The following GRB10 variants were observed in gnomAD, a reference collection of about 807,000 sequenced individuals.
GRB10 encodes the protein growth factor receptor-bound protein 10.
GRB10 carries 20 observed loss-of-function variants against 80.9 expected under a neutral mutation model. That is an observed-to-expected ratio of 0.25 (90% CI 0.17 to 0.36). The LOEUF (loss-of-function observed/expected upper bound fraction) is 0.36, where lower values mean the gene tolerates loss of function less well. Among genes scored for constraint, GRB10 ranks in the 10% least tolerant of loss-of-function variants. GRB10 has a pLI of 1.00. For synonymous variants in GRB10, 291 were observed against 291.5 expected (o/e 1.00, Z 0.02); for missense variants, 548 against 747.7 (o/e 0.73, Z 3.12).
At chr7:50,786,238 G>A (rs1010647125), upstream of GRB10, among the ~76,000 whole-genome samples, 3 of 152,046 alleles carry the variant, frequency 2.0e-5, no homozygotes, top group African/African-American at 7.2e-5. Flanking sequence ...AAAAAATACA[G>A]AGAACCAATC....
intron 13 of GRB10, among the ~76,000 whole-genome samples, chr7:50,609,850 C>T (rs943550414): frequency 2.6e-5 from 4 of 152,200 alleles, no homozygotes; most frequent in East Asian, 1.9e-4. Context: ...TATCTGCTGG[C>T]GCTACTAAGA....
intron 4 of GRB10, among the ~76,000 whole-genome samples, chr7:50,730,401 T>C (rs1196593961): frequency 2.0e-5 from 3 of 152,242 alleles, no homozygotes; most frequent in Non-Finnish European, 4.4e-5. Flanking sequence ...TATAAAACTC[T>C]GGAGATTTAT....
At chr7:50,719,590 T>C (rs1160551952) in intron 4 of GRB10, among the ~76,000 whole-genome samples, 1 of 152,046 alleles carries the variant, frequency 6.6e-6, no homozygotes, top group African/African-American at 2.4e-5. Flanking sequence ...CTTAAAAACC[T>C]AGATGATGGG....
In GRB10 at chr7:50,674,622, A is replaced by T; in HGVS notation, c.176T>A (p.Met59Lys). Residue 59 changes from methionine (M) to lysine (K), a missense_variant, in exon 6 of 19, where the codon ATG (methionine) becomes AAG (lysine). Physicochemically the swap from Met to Lys is moderately conservative, Grantham distance 95. This residue lies in a region of GRB10 where 245 missense variants were observed against 229.3 expected (regional missense o/e 1.07). Transcript: ENST00000401949. ...GTACAGGCTCTCCAGGGATGCATTCATATCGTTCACCAGGGCTTCCAGGTC... is the reference window on the plus strand; with the variant it reads ...GTACAGGCTCTCCAGGGATGCATTCTTATCGTTCACCAGGGCTTCCAGGTC... ...DVDLEALVND[M>K]NASLESLYSA... 2 of 1,613,922 alleles carry T rather than the reference A, an allele frequency of 1.2e-6. No homozygotes were observed. The highest frequency in any genetic ancestry group is 8.5e-7 in the Non-Finnish European group (1 of 1,180,034).
chr7:50,684,267 C>CA (rs386410128), intron 5 of GRB10, among the ~76,000 whole-genome samples: 44,654 of 62,246 alleles, frequency 0.72, 16,627 homozygotes, highest in East Asian at 0.88. Context: ...CAATCATCAC[C>CA]AAAAAAAAAA....
chr7:50,742,271 G>GCACACACA (rs55813195), intron 3 of GRB10, among the ~76,000 whole-genome samples: 25 of 46,900 alleles, frequency 5.3e-4, no homozygotes, highest in Middle Eastern at 0.024. Flanking sequence ...ACGCGCGCGC[G>GCACACACA]CACACACACA....
intron 5 of GRB10, among the ~76,000 whole-genome samples, chr7:50,682,753 CAG>C (rs1422975854): frequency 3.3e-5 from 5 of 152,232 alleles, no homozygotes; most frequent in African/African-American, 1.2e-4. Context: ...GATTTCATGA[CAG>C]AAAATGGTTT....
At chr7:50,635,278 T>G (rs1421278322) in intron 7 of GRB10, among the ~76,000 whole-genome samples, 1 of 152,220 alleles carries the variant, frequency 6.6e-6, no homozygotes, top group Non-Finnish European at 1.5e-5. Flanking sequence ...TGCTCCTGAA[T>G]GACTTTTGGG....
At chr7:50,611,875 C>T (rs2049596411) in intron 13 of GRB10, among the ~76,000 whole-genome samples, 1 of 152,320 alleles carries the variant, frequency 6.6e-6, no homozygotes, top group Admixed American at 6.5e-5. Context: ...ACTAAACGAA[C>T]ATCTCCTATG....
chr7:50,700,220 G>A (rs762659890), intron 5 of GRB10, among the ~76,000 whole-genome samples: 1 of 152,150 alleles, frequency 6.6e-6, no homozygotes, highest in Non-Finnish European at 1.5e-5. Context: ...TGAAGGTATA[G>A]TATTGATTAC....
chr7:50,764,895 T>G (rs2076169976), intron 2 of GRB10, among the ~76,000 whole-genome samples: 1 of 152,006 alleles, frequency 6.6e-6, no homozygotes, highest in South Asian at 2.1e-4. Flanking sequence ...ACAGAGAAAA[T>G]GAGAGAAACT....
At chr7:50,664,948 G>A (rs956036578) in intron 7 of GRB10, among the ~76,000 whole-genome samples, 1 of 152,186 alleles carries the variant, frequency 6.6e-6, no homozygotes, top group African/African-American at 2.4e-5. Context: ...TAAACACTCA[G>A]AAAGAAATTC....
chr7:50,621,987 A>G (rs539261296), intron 8 of GRB10, among the ~76,000 whole-genome samples: 4 of 152,356 alleles, frequency 2.6e-5, no homozygotes, highest in East Asian at 3.9e-4. Flanking sequence ...TGGAGGGGCC[A>G]TGGCAGAGCC....
At chr7:50,709,704 G>A (rs895786003) in intron 4 of GRB10, among the ~76,000 whole-genome samples, 1 of 151,942 alleles carries the variant, frequency 6.6e-6, no homozygotes, top group Admixed American at 6.6e-5. Flanking sequence ...CACATAAAAA[G>A]TGACTCGTGG....
intron 7 of GRB10, among the ~76,000 whole-genome samples, chr7:50,653,991 C>T (rs546364723): frequency 4.6e-5 from 7 of 152,314 alleles, no homozygotes; most frequent in African/African-American, 1.7e-4. Flanking sequence ...CCCTTGTGTT[C>T]CGTCTTCTCG....
chr7:50,675,965 C>T (rs1259736345), intron 5 of GRB10, among the ~76,000 whole-genome samples: 1 of 152,166 alleles, frequency 6.6e-6, no homozygotes, highest in East Asian at 1.9e-4. Context: ...TGTGCTTAAG[C>T]TAATTTGAGT....
intron 3 of GRB10, among the ~76,000 whole-genome samples, chr7:50,751,557 T>C (rs2074112366): frequency 6.6e-6 from 1 of 151,942 alleles, no homozygotes; most frequent in South Asian, 2.1e-4. Context: ...AACAGACCAG[T>C]GAAAGGGTGG....
chr7:50,593,520 C>CA (rs1378337560), intron 18 of GRB10, among the ~76,000 whole-genome samples: 4 of 152,102 alleles, frequency 2.6e-5, no homozygotes, highest in Non-Finnish European at 5.9e-5. Context: ...CCTGAGGCCC[C>CA]AGGGGTTTAC....
At chr7:50,706,530 A>G (rs2065057477) in intron 4 of GRB10, among the ~76,000 whole-genome samples, 1 of 152,224 alleles carries the variant, frequency 6.6e-6, no homozygotes, top group African/African-American at 2.4e-5. Flanking sequence ...CGCCTGTTTC[A>G]TAACACCCAA....
Sources: allele counts gnomAD v4.1 joint callset (sites outside exome capture counted in the v4.1 genomes callset), GRCh38; gene constraint gnomAD v4.1.1; regional missense constraint gnomAD v4.1.1; transcripts MANE v1.5; gene names NCBI Gene and HGNC (gene_info 2026-07-23, HGNC 2026-07-21).